SLC16A12: variants seen among roughly 807,000 people sequenced by gnomAD.
SLC16A12 encodes the protein monocarboxylate transporter 12.
A neutral mutation model predicts 42.4 loss-of-function variants in SLC16A12; 17 were observed. That is an observed-to-expected ratio of 0.40 (90% CI 0.27 to 0.60). The LOEUF is 0.60. Ranked by LOEUF, SLC16A12 falls within the 20% of genes least tolerant of loss-of-function variation. The pLI is 0.42. For synonymous variants in SLC16A12, 224 were observed against 229.4 expected (o/e 0.98, Z 0.21); for missense variants, 544 against 623.0 (o/e 0.87, Z 1.35).
intron 2 of SLC16A12, 124 bp from the exon 3 acceptor site, chr10:89,462,748 T>TC: frequency 9.2e-7 from 1 of 1,081,924 alleles, no homozygotes; most frequent in Non-Finnish European, 1.3e-6. Flanking sequence ...CTATGAATAC[T>TC]AGACTGGGGC....
chr10:89,530,750 A>G (rs965414351), intron 2 of SLC16A12, among the ~76,000 whole-genome samples: 1 of 152,072 alleles, frequency 6.6e-6, no homozygotes, highest in South Asian at 2.1e-4. Context: ...ATGTTGTGCA[A>G]CCACCACCCC....
chr10:89,434,418 G>T (rs1030158076), intron 7 of SLC16A12, among the ~76,000 whole-genome samples: 1 of 152,154 alleles, frequency 6.6e-6, no homozygotes, highest in East Asian at 1.9e-4. Flanking sequence ...CTAAAGGTTG[G>T]TGAGCACTAA....
chr10:89,537,594 G>A (rs116799627), upstream of SLC16A12, among the ~76,000 whole-genome samples: 505 of 152,280 alleles, frequency 3.3e-3, 6 homozygotes, highest in African/African-American at 0.011. Context: ...TAAATGTAGA[G>A]GCTGCCATGA....
At chr10:89,435,576 C>A (rs971428411) in intron 7 of SLC16A12, among the ~76,000 whole-genome samples, 1 of 152,194 alleles carries the variant, frequency 6.6e-6, no homozygotes, top group Non-Finnish European at 1.5e-5. Flanking sequence ...ACCATATTAT[C>A]CTTTTACATA....
intron 2 of SLC16A12, among the ~76,000 whole-genome samples, chr10:89,480,564 A>G (rs1433256237): frequency 6.6e-6 from 1 of 152,232 alleles, no homozygotes; most frequent in African/African-American, 2.4e-5. Context: ...TACAGTAGCT[A>G]TACAGGAGCA....
At chr10:89,554,099 A>AATGAAG (rs1564607192) in intron 2 of SLC16A12, among the ~76,000 whole-genome samples, 1 of 14,432 alleles carries the variant, frequency 6.9e-5, no homozygotes, top group Non-Finnish European at 1.5e-4. Flanking sequence ...AAAGAAAGAA[A>AATGAAG]GAAGGAAGGA....
At chr10:89,484,084 T>C (rs1156536413) in intron 2 of SLC16A12, among the ~76,000 whole-genome samples, 1 of 152,080 alleles carries the variant, frequency 6.6e-6, no homozygotes, top group South Asian at 2.1e-4. Flanking sequence ...AGGCCAGGAG[T>C]TTGGGACCAG....
intron 2 of SLC16A12, among the ~76,000 whole-genome samples, chr10:89,471,743 A>C (rs1589687527): frequency 6.6e-6 from 1 of 152,224 alleles, no homozygotes; most frequent in Non-Finnish European, 1.5e-5. Flanking sequence ...TGATATTTTC[A>C]GTACTAAATT....
Position 89,436,810 on chromosome 10 carries a change from G to A in SLC16A12, c.1029-491C>T, listed in dbSNP as rs562290916. ...GAAAGAAAGGAAAGGAAAGGAGGAA[G>A]GAAGGAAGGAAGGAAGGAAGGAAAT... On this transcript the variant is annotated intron_variant, in intron 6 of 7. Coordinates refer to ENST00000371790, the MANE Select transcript of SLC16A12 (RefSeq NM_213606.4). Among the ~76,000 whole-genome samples the A allele has an allele frequency of 5.6e-5, 8 of 142,848 alleles. No individual in the cohort carries two copies. In the East Asian group the frequency reaches 1.6e-3, roughly 29 times the overall value. The allele number at this position is 142,848 out of a possible 152,430, so 93.7% of individuals were successfully genotyped here. A position where few individuals can be genotyped will look rare whatever the true frequency, so the allele number is the denominator to read the frequency against.
chr10:89,454,200 G>A (rs765093818), intron 3 of SLC16A12, among the ~76,000 whole-genome samples: 1 of 151,928 alleles, frequency 6.6e-6, no homozygotes, highest in Non-Finnish European at 1.5e-5. Context: ...TAGAGACAAG[G>A]TCTTCCTATG....
At chr10:89,503,504 T>A (rs1843016959) in intron 2 of SLC16A12, among the ~76,000 whole-genome samples, 1 of 152,114 alleles carries the variant, frequency 6.6e-6, no homozygotes, top group Non-Finnish European at 1.5e-5. Flanking sequence ...GTAGATGAAA[T>A]ATGAAGTGAT....
At chr10:89,522,675 G>A (rs1402790579) in intron 2 of SLC16A12, among the ~76,000 whole-genome samples, 1 of 152,166 alleles carries the variant, frequency 6.6e-6, no homozygotes, top group East Asian at 1.9e-4. Context: ...ATTTTCAGCA[G>A]TACAGCATGA....
intron 2 of SLC16A12, among the ~76,000 whole-genome samples, chr10:89,498,977 C>T (rs538956668): frequency 6.6e-6 from 1 of 152,170 alleles, no homozygotes; most frequent in Admixed American, 6.5e-5. Context: ...AGAATGTGAA[C>T]AGCCTTCAGC....
chr10:89,503,076 C>A (rs377592071), intron 2 of SLC16A12, among the ~76,000 whole-genome samples: 7 of 152,140 alleles, frequency 4.6e-5, no homozygotes, highest in Admixed American at 4.6e-4. Flanking sequence ...CAAAAGCAGC[C>A]CCAAGTCACT....
At chr10:89,555,525 GTA>G (rs1172892169) in intron 2 of SLC16A12, among the ~76,000 whole-genome samples, 1 of 125,082 alleles carries the variant, frequency 8.0e-6, no homozygotes, top group Non-Finnish European at 1.8e-5. Context: ...GTATATATGT[GTA>G]TATATACGTA....
intron 2 of SLC16A12, among the ~76,000 whole-genome samples, chr10:89,525,406 T>C (rs1843433730): frequency 6.6e-6 from 1 of 152,148 alleles, no homozygotes; most frequent in Admixed American, 6.5e-5. Flanking sequence ...TAGTTAGATC[T>C]TCATCTGTAA....
At chr10:89,517,056 T>TTAAAA (rs1843264818) in intron 2 of SLC16A12, among the ~76,000 whole-genome samples, 1 of 151,926 alleles carries the variant, frequency 6.6e-6, no homozygotes. Flanking sequence ...GACTCCCATC[T>TTAAAA]CTACAAAAAA....
chr10:89,478,389 G>GA (rs1266777924), intron 2 of SLC16A12, among the ~76,000 whole-genome samples: 1 of 152,200 alleles, frequency 6.6e-6, no homozygotes, highest in Non-Finnish European at 1.5e-5. Flanking sequence ...GAACAGGGTG[G>GA]AAGTGGGATG....
chr10:89,491,515 T>C (rs1016227706), intron 2 of SLC16A12, among the ~76,000 whole-genome samples: 1 of 152,064 alleles, frequency 6.6e-6, no homozygotes, highest in Admixed American at 6.5e-5. Context: ...AGGAGTTTTT[T>C]TTTTTTTAAA....
Sources: gnomAD v4.1 joint callset for allele counts (sites outside exome capture counted in the v4.1 genomes callset) on GRCh38, gnomAD v4.1.1 for gene constraint, MANE v1.5 for transcripts, NCBI Gene and HGNC (gene_info 2026-07-23, HGNC 2026-07-21) for gene names.